Variants in FAM124A observed in about 807,000 individuals in gnomAD.
FAM124A encodes family with sequence similarity 124 member A.
Under a neutral mutation model 24.5 loss-of-function variants are expected in FAM124A, and 23 were observed. The observed-to-expected ratio is 0.94, with a 90% CI of 0.68 to 1.33. FAM124A has a LOEUF of 1.33. FAM124A is among the 40% of genes most tolerant of loss of function. FAM124A has a pLI of 0.00. For missense variants in FAM124A, 623 were observed against 722.8 expected (o/e 0.86, Z 1.58); for synonymous variants, 287 against 314.7 (o/e 0.91, Z 0.93).
At chr13:51,268,134 A>G (rs950755109) in intron 3 of FAM124A, among the ~76,000 whole-genome samples, 3 of 152,264 alleles carry the variant, frequency 2.0e-5, no homozygotes, top group African/African-American at 7.2e-5. Flanking sequence ...CCTGTAGCCC[A>G]GCTGCATTCC....
intron 3 of FAM124A, among the ~76,000 whole-genome samples, chr13:51,269,820 T>G (rs182915758): frequency 2.2e-3 from 340 of 152,358 alleles, no homozygotes; most frequent in African/African-American, 7.8e-3. Context: ...TTTGGATTTT[T>G]TTCTGTACCC....
At chr13:51,224,472 C>CAA (rs537144914) in intron 1 of FAM124A, among the ~76,000 whole-genome samples, 13 of 150,664 alleles carry the variant, frequency 8.6e-5, no homozygotes, top group South Asian at 2.1e-4. Flanking sequence ...ACTCCATCTC[C>CAA]AAAAAAAAAG....
intron 3 of FAM124A, among the ~76,000 whole-genome samples, chr13:51,257,809 G>T (rs2137687194): frequency 6.6e-6 from 1 of 152,232 alleles, no homozygotes; most frequent in Middle Eastern, 3.4e-3. Flanking sequence ...GGCCTTCTCT[G>T]CCTTCCCCAC....
intron 3 of FAM124A, among the ~76,000 whole-genome samples, chr13:51,256,795 C>A (rs562585341): frequency 6.6e-6 from 1 of 152,324 alleles, no homozygotes; most frequent in East Asian, 1.9e-4. Context: ...ATCTCTGTAA[C>A]TTTTTCATCC....
intron 1 of FAM124A, among the ~76,000 whole-genome samples, chr13:51,227,879 A>C (rs1290739003): frequency 6.6e-6 from 1 of 152,238 alleles, no homozygotes; most frequent in African/African-American, 2.4e-5. Flanking sequence ...AAGACATAAC[A>C]AAAAATCAGG....
chr13:51,257,974 GAA>G (rs1273829224), intron 3 of FAM124A, among the ~76,000 whole-genome samples: 1 of 152,218 alleles, frequency 6.6e-6, no homozygotes, highest in African/African-American at 2.4e-5. Flanking sequence ...CTGGAGGCTA[GAA>G]GTCCAAAATC....
chr13:51,260,185 C>G (rs1216632386), intron 3 of FAM124A, among the ~76,000 whole-genome samples: 1 of 152,188 alleles, frequency 6.6e-6, no homozygotes, highest in African/African-American at 2.4e-5. Flanking sequence ...GTACCCTGTC[C>G]CTGCCCCTTA....
intron 2 of FAM124A, among the ~76,000 whole-genome samples, chr13:51,232,673 T>G (rs1304951162): frequency 6.6e-6 from 1 of 152,202 alleles, no homozygotes; most frequent in Admixed American, 6.5e-5. Flanking sequence ...AGATTTGCAC[T>G]CATTCCCCAA....
At chr13:51,271,872 A>G (rs986037053) in intron 3 of FAM124A, among the ~76,000 whole-genome samples, 4 of 152,226 alleles carry the variant, frequency 2.6e-5, no homozygotes, top group Admixed American at 1.3e-4. Flanking sequence ...AACCTCGCCA[A>G]GTCCAGTGGA....
chr13:51,280,220 C>T (rs138441367), intron 3 of FAM124A, among the ~76,000 whole-genome samples: 1 of 152,318 alleles, frequency 6.6e-6, no homozygotes, highest in African/African-American at 2.4e-5. Flanking sequence ...TGATAAGGAG[C>T]TGAATCTCCT....
At position 51,280,823 on chromosome 13, in the gene FAM124A, T is replaced by C. The variant is rs775796682; in HGVS notation, c.1208T>C (p.Ile403Thr). The change falls in exon 4 of 4, where the codon ATC becomes ACC. Residue 403 changes from isoleucine to threonine, a missense_variant. Transcript: ENST00000322475. ...TGGAGGCATGGCCACCTCCTCTCCA[T>C]CGATGACCTAGAGGGGGCCCAGGAG... is the stretch of plus-strand genomic sequence containing the variant. The part of the protein sequence containing the change: ...SEWRHGHLLS[I>T]DDLEGAQETD... 2.2e-5 allele frequency: 36 copies of C among 1,613,946 alleles called. No homozygotes were observed. Among genetic ancestry groups the C allele is most frequent in the Non-Finnish European group, 2.5e-5 (30 of 1,180,014 alleles).
intron 2 of FAM124A, among the ~76,000 whole-genome samples, chr13:51,246,317 G>A (rs868032849): frequency 1.4e-5 from 2 of 146,430 alleles, no homozygotes; most frequent in Admixed American, 7.2e-5. Flanking sequence ...GAGACTTTTC[G>A]TGGCAATTAA....
intron 1 of FAM124A, among the ~76,000 whole-genome samples, chr13:51,229,824 A>G (rs1294854555): frequency 1.3e-5 from 2 of 152,224 alleles, no homozygotes; most frequent in Non-Finnish European, 2.9e-5. Context: ...ATGGTTCCAG[A>G]AAGAATTTAA....
intron 3 of FAM124A, among the ~76,000 whole-genome samples, chr13:51,264,594 C>G (rs1409088570): frequency 6.6e-6 from 1 of 152,018 alleles, no homozygotes; most frequent in African/African-American, 2.4e-5. Flanking sequence ...CGTGAATAGC[C>G]ACTGCACTCC....
intron 1 of FAM124A, among the ~76,000 whole-genome samples, chr13:51,228,747 A>G: frequency 6.6e-6 from 1 of 152,182 alleles, no homozygotes; most frequent in South Asian, 2.1e-4. Context: ...TCCTAACCGT[A>G]TTTCTAGTAA....
chr13:51,278,517 C>T (rs1477486778), intron 3 of FAM124A, among the ~76,000 whole-genome samples: 5 of 152,224 alleles, frequency 3.3e-5, no homozygotes, highest in Non-Finnish European at 5.9e-5. Flanking sequence ...GCAGTCACAT[C>T]AGCTCCAGGC....
At chr13:51,236,438 A>G (rs969046925) in intron 2 of FAM124A, among the ~76,000 whole-genome samples, 1 of 152,248 alleles carries the variant, frequency 6.6e-6, no homozygotes, top group African/African-American at 2.4e-5. Flanking sequence ...CTGATGCAAT[A>G]AATGTTTTGA....
intron 2 of FAM124A, among the ~76,000 whole-genome samples, chr13:51,241,758 G>A (rs1954497791): frequency 6.6e-6 from 1 of 150,766 alleles, no homozygotes; most frequent in Non-Finnish European, 1.5e-5. Context: ...AAAAAAATGA[G>A]TCCCCAGGCT....
intron 3 of FAM124A, among the ~76,000 whole-genome samples, chr13:51,276,837 T>A (rs1221572036): frequency 6.6e-6 from 1 of 152,198 alleles, no homozygotes; most frequent in African/African-American, 2.4e-5. Flanking sequence ...ATTGTCACAC[T>A]GCTCATGTTT....
Sources: allele counts gnomAD v4.1 joint callset (sites outside exome capture counted in the v4.1 genomes callset), GRCh38; gene constraint gnomAD v4.1.1; transcripts MANE v1.5; gene names NCBI Gene and HGNC (gene_info 2026-07-23, HGNC 2026-07-21).